The following SYNRG variants were observed in gnomAD, a reference collection of about 807,000 sequenced individuals.
SYNRG encodes the protein AP1 gamma subunit binding protein 1.
SYNRG carries 37 observed loss-of-function variants against 130.9 expected under a neutral mutation model. That is an observed-to-expected ratio of 0.28 (90% CI 0.22 to 0.37). SYNRG has a LOEUF of 0.37. Ranked by LOEUF, SYNRG falls within the 10% of genes least tolerant of loss-of-function variation. SYNRG has a pLI of 1.00. For missense variants in SYNRG, 1,338 were observed against 1,588.9 expected, an observed-to-expected ratio of 0.84 and a Z score of 2.68; for synonymous variants, 539 against 568.1, an observed-to-expected ratio of 0.95 and a Z score of 0.73.
At chr17:37,594,889 C>T (rs1288527997) in intron 3 of SYNRG, among the ~76,000 whole-genome samples, 1 of 152,202 alleles carries the variant, frequency 6.6e-6, no homozygotes, top group Admixed American at 6.5e-5. Flanking sequence ...AATGCTACCT[C>T]CAAGTGTTAG....
chr17:37,543,634 T>G (rs187562680), intron 14 of SYNRG, among the ~76,000 whole-genome samples: 207 of 152,342 alleles, frequency 1.4e-3, no homozygotes, highest in African/African-American at 4.7e-3. Context: ...GGTTGGTGCC[T>G]GGTGAGCAAT....
chr17:37,520,702 C>A, intron 19 of SYNRG, 54 bp from the exon 20 acceptor site: 1 of 1,438,148 alleles, frequency 7.0e-7, no homozygotes, highest in South Asian at 1.2e-5. Context: ...ACACGCTGTT[C>A]ACTTCACTCC....
intron 21 of SYNRG, among the ~76,000 whole-genome samples, chr17:37,519,599 G>A (rs924555912): frequency 6.6e-6 from 1 of 152,030 alleles, no homozygotes; most frequent in African/African-American, 2.4e-5. Context: ...TGACCCTAAT[G>A]CCTAATGAAT....
intron 19 of SYNRG, among the ~76,000 whole-genome samples, chr17:37,525,335 A>G (rs1382437867): frequency 5.3e-5 from 8 of 152,230 alleles, no homozygotes; most frequent in Non-Finnish European, 1.2e-4. Flanking sequence ...AGACTGAGAT[A>G]TATAATCCTG....
chr17:37,584,658 G>A lies in SYNRG; in HGVS notation c.579C>T (p.Pro193=), dbSNP rs1283261151. Residue 193 remains proline (P), a synonymous_variant, in exon 6 of 22, where the codon CCC becomes CCT. Transcript: ENST00000612223. The part of the protein sequence containing the change: ...AKMHPTPASH[P]KKPGPSLEEK... ...GCCTCTTAAAACTACCTGGTTTCTT[G>A]GGGTGCGATGCTGGAGTAGGGTGCA... 1 of 1,612,880 alleles carries A rather than the reference G, an allele frequency of 6.2e-7. No homozygotes were observed. Among genetic ancestry groups the A allele is most frequent in the South Asian group, 1.1e-5 (1 of 90,974 alleles).
Position 37,553,970 on chromosome 17 carries a change from G to A in SYNRG, c.1753C>T (p.Pro585Ser). Residue 585 changes from proline to serine, a missense_variant, in exon 14 of 22, where the codon CCA (proline) becomes TCA (serine). Coordinates refer to ENST00000612223, the MANE Select transcript of SYNRG (RefSeq NM_007247.6). Reference protein sequence around the residue: ...TADSVSPLEPPTKDKTFPPSF... With the variant: ...TADSVSPLEPSTKDKTFPPSF... Reference sequence around the variant, plus strand: ...GGTGGAAAAGTTTTGTCTTTTGTTGGTGGCTCTAGTGGTGATACACTATCG... The same window carrying A: ...GGTGGAAAAGTTTTGTCTTTTGTTGATGGCTCTAGTGGTGATACACTATCG... 1 of 1,610,402 alleles carries A rather than the reference G, an allele frequency of 6.2e-7. No homozygotes were observed. The highest frequency in any genetic ancestry group is 2.2e-5 in the East Asian group (1 of 44,868).
chr17:37,585,994 C>CT (rs757072906), intron 4 of SYNRG, among the ~76,000 whole-genome samples: 4 of 152,014 alleles, frequency 2.6e-5, no homozygotes, highest in African/African-American at 9.7e-5. Context: ...TTTAAAGAGG[C>CT]TTTTTTGTTT....
intron 14 of SYNRG, among the ~76,000 whole-genome samples, chr17:37,551,567 A>G (rs1306003887): frequency 1.3e-5 from 2 of 152,178 alleles, no homozygotes; most frequent in Non-Finnish European, 2.9e-5. Context: ...AATGGGGGAA[A>G]AAAAAAGACA....
intron 14 of SYNRG, among the ~76,000 whole-genome samples, chr17:37,547,536 C>T (rs1292249304): frequency 6.6e-6 from 1 of 151,078 alleles, no homozygotes. Flanking sequence ...AATCTCAGCT[C>T]ACTGCAACCT....
rs774083228 is a variant in SYNRG at position 37,577,468 on chromosome 17, G to A, written c.735C>T (p.Asn245=). The A allele has an allele frequency of 4.3e-6, 7 of 1,613,958 alleles. No individual in the cohort carries two copies. Among genetic ancestry groups the A allele is most frequent in the African/African-American group, 2.7e-5 (2 of 74,870 alleles). ...TTACACATCCATCTACAGCAACCCC[G>A]TTACTGGCCATTAAACTGGGATACT... ...SKKYPSLMAS[N]GVAVDGCVSG... Residue 245 remains asparagine, a synonymous_variant, in exon 7 of 22, where the codon AAC becomes AAT. Coordinates refer to ENST00000612223, the MANE Select transcript of SYNRG (RefSeq NM_007247.6).
In SYNRG at chr17:37,577,843, C is replaced by A. The variant is rs375436789; in HGVS notation, c.590-230G>T. On this transcript the variant is annotated intron_variant, in intron 6 of 21. Coordinates refer to ENST00000612223, the MANE Select transcript of SYNRG (RefSeq NM_007247.6). ...CCTCCTTAGTAGCTGAGATTATAGG[C>A]GCCCGCCACCAAGCCTGGCTAATTT... 4.0e-4 allele frequency among the ~76,000 whole-genome samples: 49 copies of A among 122,608 alleles called. No individual in the cohort carries two copies. The South Asian group carries it at 5.3e-3, about 13-fold the overall frequency. The allele number at this position is 122,608 out of a possible 152,430, so 80.4% of individuals were successfully genotyped here.
intron 19 of SYNRG, among the ~76,000 whole-genome samples, chr17:37,521,510 C>G (rs899881843): frequency 5.3e-5 from 8 of 151,876 alleles, no homozygotes; most frequent in African/African-American, 1.7e-4. Context: ...GGGGCAGGGC[C>G]CAGGGAAAGA....
chr17:37,540,211 C>T (rs2057615894), intron 16 of SYNRG, among the ~76,000 whole-genome samples, 169 bp downstream of exon 16: 1 of 152,164 alleles, frequency 6.6e-6, no homozygotes, highest in Non-Finnish European at 1.5e-5. Context: ...AATGTTTTCA[C>T]CCAGGGCTAA....
intron 19 of SYNRG, among the ~76,000 whole-genome samples, chr17:37,531,988 A>C (rs890978262): frequency 6.6e-6 from 1 of 152,134 alleles, no homozygotes; most frequent in Non-Finnish European, 1.5e-5. Flanking sequence ...GTTGTCTCTA[A>C]TTTTTCACGT....
intron 19 of SYNRG, among the ~76,000 whole-genome samples, chr17:37,521,298 G>C (rs2055021913): frequency 6.6e-6 from 1 of 152,076 alleles, no homozygotes; most frequent in Non-Finnish European, 1.5e-5. Context: ...CCAAAGTGGT[G>C]GGATTACAGG....
intron 10 of SYNRG, among the ~76,000 whole-genome samples, chr17:37,569,668 A>AC (rs934732418): frequency 2.6e-5 from 4 of 151,434 alleles, no homozygotes; most frequent in Non-Finnish European, 5.9e-5. Context: ...AAAAAAAAAA[A>AC]ACTAAAAAGG....
chr17:37,542,288 T>G lies in SYNRG; in HGVS notation c.2886A>C (p.Pro962=), dbSNP rs61753647. 15,726 of 1,614,174 alleles carry G rather than the reference T, an allele frequency of 9.7e-3. 1,337 individuals are homozygous for G. The African/African-American group carries it at 0.18, about 19-fold the overall frequency. The change falls in exon 15 of 22, where the codon CCA becomes CCC. Residue 962 remains proline (P), a synonymous_variant. Transcript: ENST00000612223. ...TCGTGTCTTTAAAACTGGCAAGAGCTGGGAAGGTGGTCTCTGGAAGAGCAT... is the reference window on the plus strand; with the variant it reads ...TCGTGTCTTTAAAACTGGCAAGAGCGGGGAAGGTGGTCTCTGGAAGAGCAT... ...SEDALPETTF[P]ALASFKDTIP...
intron 10 of SYNRG, among the ~76,000 whole-genome samples, chr17:37,569,299 A>T (rs1314981661): frequency 6.6e-6 from 1 of 151,916 alleles, no homozygotes; most frequent in Non-Finnish European, 1.5e-5. Context: ...AGTCCCAGCT[A>T]CGTGGGTGGC....
At chr17:37,532,870 G>A (rs2056781663) in intron 19 of SYNRG, among the ~76,000 whole-genome samples, 1 of 152,040 alleles carries the variant, frequency 6.6e-6, no homozygotes, top group African/African-American at 2.4e-5. Context: ...CCTGCCATCT[G>A]TATGCACTAC....
Sources: allele counts gnomAD v4.1 joint callset (sites outside exome capture counted in the v4.1 genomes callset), GRCh38; gene constraint gnomAD v4.1.1; transcripts MANE v1.5; gene names NCBI Gene and HGNC (gene_info 2026-07-23, HGNC 2026-07-21).